Variants in SBF2 observed in about 807,000 individuals in gnomAD.
The protein encoded by SBF2 is SET binding factor 2.
In SBF2, 112 loss-of-function variants were observed where a neutral mutation model predicts 225.2. The ratio of observed to expected loss-of-function variants is 0.50; its 90% CI spans 0.43 to 0.58. SBF2 has a LOEUF of 0.58. Ranked by LOEUF, SBF2 falls within the 20% of genes least tolerant of loss-of-function variation. The pLI is 0.00. For synonymous variants in SBF2, 763 were observed against 773.3 expected (o/e 0.99, Z 0.22); for missense variants, 1,996 against 2,206.2 (o/e 0.90, Z 1.91).
At chr11:9,918,075 T>C (rs894069897) in intron 16 of SBF2, among the ~76,000 whole-genome samples, 3 of 149,816 alleles carry the variant, frequency 2.0e-5, no homozygotes, top group South Asian at 2.1e-4. Context: ...TTAGTTGAAA[T>C]AGGCGCATCT....
At chr11:9,800,951 CA>C (rs1853458698) in intron 32 of SBF2, among the ~76,000 whole-genome samples, 1 of 151,994 alleles carries the variant, frequency 6.6e-6, no homozygotes, top group African/African-American at 2.4e-5. Context: ...AGAGGTTTAT[CA>C]ATTTTATTGA....
chr11:9,982,797 T>G (rs1261181025), intron 13 of SBF2, among the ~76,000 whole-genome samples: 1 of 152,184 alleles, frequency 6.6e-6, no homozygotes, highest in Non-Finnish European at 1.5e-5. Flanking sequence ...GACCCTCCTC[T>G]CCCGAACACA....
chr11:10,140,781 T>C (rs1954606608), intron 2 of SBF2, among the ~76,000 whole-genome samples: 1 of 152,098 alleles, frequency 6.6e-6, no homozygotes, highest in Non-Finnish European at 1.5e-5. Context: ...GTGGGGTCTG[T>C]AGTAACCCCA....
intron 1 of SBF2, among the ~76,000 whole-genome samples, chr11:10,229,118 T>G (rs1202275219): frequency 6.6e-6 from 1 of 152,212 alleles, no homozygotes; most frequent in East Asian, 1.9e-4. Flanking sequence ...GTGTTTATAG[T>G]ATTCTCTGAT....
chr11:10,117,683 T>C (rs1482088491), intron 2 of SBF2, among the ~76,000 whole-genome samples: 1 of 151,946 alleles, frequency 6.6e-6, no homozygotes, highest in African/African-American at 2.4e-5. Flanking sequence ...GGAGGATTAA[T>C]TATGGATTTG....
chr11:10,164,599 T>C (rs1955875594), intron 2 of SBF2, among the ~76,000 whole-genome samples: 1 of 152,274 alleles, frequency 6.6e-6, no homozygotes, highest in African/African-American at 2.4e-5. Flanking sequence ...CTAATTTATA[T>C]AACTGTTACG....
chr11:9,855,462 G>A (rs1486532852), intron 19 of SBF2, among the ~76,000 whole-genome samples: 2 of 152,172 alleles, frequency 1.3e-5, no homozygotes, highest in Non-Finnish European at 2.9e-5. Flanking sequence ...GGAGCATGAG[G>A]AGAAGAATTT....
At chr11:10,249,305 G>C (rs1430200918) in intron 1 of SBF2, among the ~76,000 whole-genome samples, 1 of 152,142 alleles carries the variant, frequency 6.6e-6, no homozygotes, top group Non-Finnish European at 1.5e-5. Flanking sequence ...ATTAAGATTG[G>C]ACAGATTTGT....
intron 2 of SBF2, among the ~76,000 whole-genome samples, chr11:10,061,040 A>G (rs1290507023): frequency 6.6e-6 from 1 of 152,160 alleles, no homozygotes; most frequent in Non-Finnish European, 1.5e-5. Context: ...AAAAAAATAA[A>G]TAAATAAACA....
intron 1 of SBF2, among the ~76,000 whole-genome samples, chr11:10,222,894 G>A (rs1319998027): frequency 6.6e-6 from 1 of 151,984 alleles, no homozygotes; most frequent in Non-Finnish European, 1.5e-5. Context: ...TAATTACCCA[G>A]GACAGATAAT....
intron 2 of SBF2, among the ~76,000 whole-genome samples, chr11:10,088,795 G>A (rs1951673364): frequency 6.6e-6 from 1 of 152,168 alleles, no homozygotes; most frequent in Admixed American, 6.5e-5. Flanking sequence ...TCAGCATGAG[G>A]CTTGGGTGGG....
intron 16 of SBF2, among the ~76,000 whole-genome samples, chr11:9,927,552 C>G (rs1455554780): frequency 6.6e-6 from 1 of 151,946 alleles, no homozygotes; most frequent in African/African-American, 2.4e-5. Flanking sequence ...AGTCCTCTGT[C>G]TCTAATAAAA....
chr11:10,287,165 G>C (rs546905176), intron 1 of SBF2, among the ~76,000 whole-genome samples: 8 of 152,182 alleles, frequency 5.3e-5, no homozygotes, highest in Non-Finnish European at 1.0e-4. Context: ...TTCTAGAAAA[G>C]ACAAAAACAT....
chr11:10,122,665 A>C (rs1259388836), intron 2 of SBF2, among the ~76,000 whole-genome samples: 1 of 152,224 alleles, frequency 6.6e-6, no homozygotes, highest in Non-Finnish European at 1.5e-5. Context: ...CAGTTATTAG[A>C]TACTATTAGT....
intron 3 of SBF2, among the ~76,000 whole-genome samples, chr11:10,032,780 A>T (rs1004694718): frequency 6.6e-6 from 1 of 152,246 alleles, no homozygotes; most frequent in African/African-American, 2.4e-5. Flanking sequence ...CCAGTTCCTA[A>T]AATAAGGGCT....
chr11:10,248,971 C>CT (rs1283318245), intron 1 of SBF2, among the ~76,000 whole-genome samples: 1 of 152,032 alleles, frequency 6.6e-6, no homozygotes, highest in Non-Finnish European at 1.5e-5. Flanking sequence ...TGGCGGGAGC[C>CT]TGTAGTCCCA....
chr11:10,092,746 C>T (rs1323875275), intron 2 of SBF2, among the ~76,000 whole-genome samples: 1 of 152,178 alleles, frequency 6.6e-6, no homozygotes, highest in African/African-American at 2.4e-5. Flanking sequence ...ATGACACATA[C>T]ACACGCATTT....
chr11:9,918,661 A>G (rs1232901968), intron 16 of SBF2, among the ~76,000 whole-genome samples: 1 of 151,722 alleles, frequency 6.6e-6, no homozygotes, highest in Admixed American at 6.6e-5. Context: ...ATGAGCCACT[A>G]CGCCTGGCCC....
Position 10,028,528 on chromosome 11 carries a change from T to C in SBF2, c.543A>G (p.Arg181=). Residue 181 remains arginine (R), a synonymous_variant, in exon 6 of 40, where the codon AGA becomes AGG. Transcript: ENST00000256190. ...CATGTAAAGGAGTCTGGATCAACTG[T>C]CTATCTCCTGCACCCAAAGAAAACA... ...QKLFSLGAGD[R]QLIQTPLHDS... is the part of the protein sequence containing the mutation. 1 of 1,613,430 alleles carries C rather than the reference T, an allele frequency of 6.2e-7. No homozygotes were observed.
Sources: gnomAD v4.1 joint callset for allele counts (sites outside exome capture counted in the v4.1 genomes callset) on GRCh38, gnomAD v4.1.1 for gene constraint, MANE v1.5 for transcripts, NCBI Gene and HGNC (gene_info 2026-07-23, HGNC 2026-07-21) for gene names.